The following SASH1 variants were observed in gnomAD, a reference collection of about 807,000 sequenced individuals.
The protein encoded by SASH1 is SAM and SH3 domain containing 1.
Under a neutral mutation model 125.2 loss-of-function variants are expected in SASH1, and 44 were observed. The ratio of observed to expected loss-of-function variants is 0.35; its 90% CI spans 0.28 to 0.45. The LOEUF is 0.45. Ranked by LOEUF, SASH1 falls within the 20% of genes least tolerant of loss-of-function variation. The probability of loss-of-function intolerance (pLI) is 1.00; values close to 1 mark genes in which losing one functional copy is unlikely to be tolerated. For missense variants in SASH1, 1,426 were observed against 1,614.5 expected, an observed-to-expected ratio of 0.88 and a Z score of 2.00; for synonymous variants, 639 against 649.1, an observed-to-expected ratio of 0.98 and a Z score of 0.24.
In SASH1 at chr6:148,464,694, G is replaced by A. The variant is rs192054387; in HGVS notation, c.387-3851G>A. On this transcript the variant is annotated intron_variant, in intron 4 of 19. Coordinates refer to ENST00000367467, the MANE Select transcript of SASH1 (RefSeq NM_015278.5). Reference sequence around the variant, plus strand: ...TCAAGGAGAAAGGAGATGGCATTTTGCACTGCTTCTATGCCAGCTTCTGTT... The same window carrying A: ...TCAAGGAGAAAGGAGATGGCATTTTACACTGCTTCTATGCCAGCTTCTGTT... 5.4e-4 allele frequency among the ~76,000 whole-genome samples: 82 copies of A among 152,282 alleles called. 1 individual carries two copies. Among genetic ancestry groups the A allele is most frequent in the South Asian group, 3.5e-3 (17 of 4,828 alleles).
At chr6:148,333,598 G>A (rs1248286083) in intron 1 of SASH1, among the ~76,000 whole-genome samples, 2 of 152,154 alleles carry the variant, frequency 1.3e-5, no homozygotes, top group Non-Finnish European at 1.5e-5. Flanking sequence ...GTCTTACTCT[G>A]TCGCCCAGGC....
In SASH1 at chr6:148,550,457, T is replaced by C. The variant is rs997689909; in HGVS notation, c.*1899T>C. Reference sequence around the variant, plus strand: ...ATCCATGTTTCTGAGGAAAAAGACATTCTCAGGTGATGTATTTTTTTCATG... The same window carrying C: ...ATCCATGTTTCTGAGGAAAAAGACACTCTCAGGTGATGTATTTTTTTCATG... On this transcript the variant is annotated 3_prime_UTR_variant, in exon 20 of 20. Transcript: ENST00000367467. The C allele has an allele frequency of 5.3e-5, 8 of 152,242 alleles. No individual in the cohort carries two copies. Among genetic ancestry groups the C allele is most frequent in the African/African-American group, 1.9e-4 (8 of 41,468 alleles). The allele number at this position is 152,242 out of a possible 1,614,324, so 9.4% of individuals were successfully genotyped here. A position where few individuals can be genotyped will look rare whatever the true frequency, so the allele number is the denominator to read the frequency against.
chr6:148,491,297 T>C (rs1254692515), intron 8 of SASH1, among the ~76,000 whole-genome samples: 1 of 152,184 alleles, frequency 6.6e-6, no homozygotes, highest in Non-Finnish European at 1.5e-5. Context: ...TGAGACGGAG[T>C]CTCACTCCGT....
chr6:148,233,085 A>G, the SASH1 span, among the ~76,000 whole-genome samples: 1 of 151,930 alleles, frequency 6.6e-6, no homozygotes, highest in Non-Finnish European at 1.5e-5. Flanking sequence ...GTGGTGGTAC[A>G]TGCCTGTAGT....
At chr6:148,307,938 G>A (rs972223048) in intron 1 of SASH1, among the ~76,000 whole-genome samples, 3 of 152,086 alleles carry the variant, frequency 2.0e-5, no homozygotes, top group South Asian at 2.1e-4. Flanking sequence ...CTGAAGAGGC[G>A]CCATGATCCT....
At chr6:148,272,401 A>C in intron 1 of SASH1, 2 of 470,210 alleles carry the variant, frequency 4.3e-6, no homozygotes, top group South Asian at 3.1e-5. Context: ...CTGTTTTCAA[A>C]TTTTAAGACT....
At chr6:148,358,468 A>G (rs911231562) in intron 1 of SASH1, among the ~76,000 whole-genome samples, 5 of 152,058 alleles carry the variant, frequency 3.3e-5, no homozygotes, top group African/African-American at 4.8e-5. Context: ...GAGGGGAGGG[A>G]ATAGTGACAC....
intron 4 of SASH1, among the ~76,000 whole-genome samples, chr6:148,456,398 AGG>A (rs527295887): frequency 9.1e-4 from 138 of 152,320 alleles, no homozygotes; most frequent in African/African-American, 2.3e-3. Flanking sequence ...ACGCAAACAG[AGG>A]GCCAGAGAGG....
At chr6:148,451,163 C>T (rs1343754606) in intron 4 of SASH1, among the ~76,000 whole-genome samples, 2 of 152,184 alleles carry the variant, frequency 1.3e-5, no homozygotes, top group Non-Finnish European at 2.9e-5. Flanking sequence ...TAATGGTTTG[C>T]ACAGAGCAAG....
intron 1 of SASH1, among the ~76,000 whole-genome samples, chr6:148,373,083 C>T (rs1430321137): frequency 2.6e-5 from 4 of 151,976 alleles, no homozygotes; most frequent in South Asian, 2.1e-4. Context: ...CCCAGCTACT[C>T]GGGAGGCTGA....
the SASH1 span, among the ~76,000 whole-genome samples, chr6:148,215,427 G>A: frequency 1.3e-5 from 2 of 152,154 alleles, no homozygotes; most frequent in Non-Finnish European, 2.9e-5. Flanking sequence ...AGGTTGATAA[G>A]ACCTAATATG....
intron 2 of SASH1, among the ~76,000 whole-genome samples, chr6:148,422,042 G>A (rs1308485988): frequency 3.9e-5 from 6 of 152,168 alleles, no homozygotes; most frequent in Non-Finnish European, 5.9e-5. Context: ...GACGAGGAGG[G>A]AAAGGAGAAG....
chr6:148,293,792 G>T (rs1779695941), intron 1 of SASH1, among the ~76,000 whole-genome samples: 1 of 152,202 alleles, frequency 6.6e-6, no homozygotes, highest in South Asian at 2.1e-4. Flanking sequence ...TTCTGTCTAG[G>T]ATGCTGTTAT....
At chr6:148,373,781 GC>G (rs1278168193) in intron 1 of SASH1, among the ~76,000 whole-genome samples, 6 of 152,162 alleles carry the variant, frequency 3.9e-5, no homozygotes, top group Non-Finnish European at 4.4e-5. Context: ...GACCAGCCTG[GC>G]CAACATGGTG....
chr6:148,298,878 AGGG>A, intron 1 of SASH1, among the ~76,000 whole-genome samples: 3 of 132,930 alleles, frequency 2.3e-5, no homozygotes, highest in Middle Eastern at 3.7e-3. Flanking sequence ...GGAAGTAAGG[AGGG>A]AGGGAGGGAG....
chr6:148,527,664 T>G (rs1177867128), intron 12 of SASH1, 68 bp downstream of exon 12: 8 of 1,487,992 alleles, frequency 5.4e-6, no homozygotes, highest in Admixed American at 2.1e-5. Context: ...ATGGCCCTTC[T>G]GAGATTTTAA....
intron 1 of SASH1, among the ~76,000 whole-genome samples, chr6:148,359,453 T>C (rs1782101734): frequency 6.6e-6 from 1 of 152,100 alleles, no homozygotes; most frequent in South Asian, 2.1e-4. Flanking sequence ...GCTGAATTGC[T>C]GCAATCTCAT....
chr6:148,331,147 T>C (rs73788509), intron 1 of SASH1, among the ~76,000 whole-genome samples: 2,377 of 152,294 alleles, frequency 0.016, 68 homozygotes, highest in African/African-American at 0.052. Context: ...CTCATGGGCA[T>C]CTGTATAGAT....
At chr6:148,287,455 C>G in intron 1 of SASH1, among the ~76,000 whole-genome samples, 1 of 152,140 alleles carries the variant, frequency 6.6e-6, no homozygotes, top group South Asian at 2.1e-4. Context: ...GATGGTCACA[C>G]CCCCTGCCAC....
Sources: gnomAD v4.1 joint callset for allele counts (sites outside exome capture counted in the v4.1 genomes callset) on GRCh38, gnomAD v4.1.1 for gene constraint, MANE v1.5 for transcripts, NCBI Gene and HGNC (gene_info 2026-07-23, HGNC 2026-07-21) for gene names.